UTRN: variants seen among roughly 807,000 people sequenced by gnomAD.
UTRN encodes dystrophin-related protein 1.
UTRN carries 283 observed loss-of-function variants against 463.9 expected under a neutral mutation model. The observed-to-expected ratio is 0.61, with a 90% CI of 0.55 to 0.67. The LOEUF is 0.67. Ranked by LOEUF, UTRN falls within the 30% of genes least tolerant of loss-of-function variation. The pLI, the probability that UTRN is intolerant of heterozygous loss-of-function variation, is 0.00. For missense variants in UTRN, 3,922 were observed against 4,084.3 expected, an observed-to-expected ratio of 0.96 and a Z score of 1.08; for synonymous variants, 1,442 against 1,431.5, an observed-to-expected ratio of 1.01 and a Z score of -0.17.
At chr6:144,386,113 G>A (rs1178042345) in intron 2 of UTRN, among the ~76,000 whole-genome samples, 1 of 152,162 alleles carries the variant, frequency 6.6e-6, no homozygotes, top group East Asian at 1.9e-4. Context: ...TCAGGCAATG[G>A]ATTTTATCTG....
intron 51 of UTRN, among the ~76,000 whole-genome samples, chr6:144,667,053 A>ACGT (rs1408080707): frequency 6.8e-6 from 1 of 147,072 alleles, no homozygotes; most frequent in African/African-American, 2.5e-5. Flanking sequence ...TCCTCCTTCT[A>ACGT]CTTCTTCTTC....
At chr6:144,500,960 A>G (rs1046468903) in intron 34 of UTRN, among the ~76,000 whole-genome samples, 2 of 152,162 alleles carry the variant, frequency 1.3e-5, no homozygotes, top group African/African-American at 2.4e-5. Context: ...TAAAGCCACA[A>G]GTATCAGTTT....
chr6:144,356,893 A>C (rs200970307), intron 2 of UTRN, among the ~76,000 whole-genome samples: 1 of 47,578 alleles, frequency 2.1e-5, no homozygotes, highest in Non-Finnish European at 4.7e-5. Context: ...ATGTGTGTGT[A>C]TATATACACA....
At chr6:144,317,999 C>A (rs1178710503) in intron 2 of UTRN, among the ~76,000 whole-genome samples, 2 of 152,080 alleles carry the variant, frequency 1.3e-5, no homozygotes, top group Non-Finnish European at 2.9e-5. Context: ...GTATGTTTCA[C>A]CATTTTTTGA....
intron 53 of UTRN, among the ~76,000 whole-genome samples, chr6:144,722,301 G>T (rs1345750885): frequency 6.6e-6 from 1 of 150,536 alleles, no homozygotes; most frequent in Non-Finnish European, 1.5e-5. Flanking sequence ...CTCATGCCTT[G>T]CTCCCTCACT....
At chr6:144,599,573 A>G (rs1409517919) in intron 51 of UTRN, among the ~76,000 whole-genome samples, 1 of 152,218 alleles carries the variant, frequency 6.6e-6, no homozygotes, top group Non-Finnish European at 1.5e-5. Context: ...ATATACAGCA[A>G]ATCACTTATA....
chr6:144,679,028 C>T (rs980110344), intron 52 of UTRN, among the ~76,000 whole-genome samples: 1 of 152,076 alleles, frequency 6.6e-6, no homozygotes, highest in Non-Finnish European at 1.5e-5. Context: ...AGTGCCAAGT[C>T]AGAGTTTGAA....
intron 3 of UTRN, among the ~76,000 whole-genome samples, chr6:144,420,872 C>T (rs1288936346): frequency 6.6e-6 from 1 of 152,190 alleles, no homozygotes; most frequent in Non-Finnish European, 1.5e-5. Flanking sequence ...GTTGTAGGCT[C>T]ATTTACATTT....
At chr6:144,839,473 A>G (rs896464440) in intron 72 of UTRN, among the ~76,000 whole-genome samples, 189 bp downstream of exon 72, 2 of 152,384 alleles carry the variant, frequency 1.3e-5, no homozygotes, top group African/African-American at 4.8e-5. Context: ...CAAATAAGCT[A>G]TAATACACTT....
At position 144,734,384 on chromosome 6, in the gene UTRN, G is replaced by C. The variant is rs146205081; in HGVS notation, c.7939+3898G>C. Among the ~76,000 whole-genome samples the C allele has an allele frequency of 4.2e-3, 633 of 152,286 alleles. 3 individuals are homozygous for C. The highest frequency in any genetic ancestry group is 0.015 in the African/African-American group (605 of 41,562). On this transcript the variant is annotated intron_variant, in intron 54 of 74. Transcript: ENST00000367545. The stretch of plus-strand genomic sequence containing the variant: ...GAGTAATTGGATTATTGATTTTTAA[G>C]ATGAAATGGAAATAAACCCCAACTT...
intron 51 of UTRN, among the ~76,000 whole-genome samples, chr6:144,595,843 A>G (rs1803587594): frequency 6.6e-6 from 1 of 152,206 alleles, no homozygotes; most frequent in Admixed American, 6.5e-5. Context: ...TGTGATTTTG[A>G]TAGGTAGTGA....
intron 1 of UTRN, among the ~76,000 whole-genome samples, chr6:144,289,862 C>G (rs569331361): frequency 4.3e-4 from 65 of 151,766 alleles, no homozygotes; most frequent in Middle Eastern, 3.4e-3. Flanking sequence ...CCATGTTGGC[C>G]AGGCTGGTCT....
intron 26 of UTRN, among the ~76,000 whole-genome samples, chr6:144,481,248 G>A (rs1791826436): frequency 6.6e-6 from 1 of 152,150 alleles, no homozygotes; most frequent in African/African-American, 2.4e-5. Context: ...AAAAGTAAAG[G>A]GGAAAGTGAA....
chr6:144,347,857 T>TTTTTTTTTTTTTTTG, intron 2 of UTRN, among the ~76,000 whole-genome samples: 1 of 149,948 alleles, frequency 6.7e-6, no homozygotes, highest in Admixed American at 6.6e-5. Context: ...TTTGTTTTTT[T>TTTTTTTTTTTTTTTG]TTTTGAGACT....
chr6:144,412,567 C>T (rs1783992154), intron 3 of UTRN, among the ~76,000 whole-genome samples: 1 of 151,536 alleles, frequency 6.6e-6, no homozygotes, highest in South Asian at 2.1e-4. Flanking sequence ...CAACTTCTTG[C>T]AAAAAACAGA....
At chr6:144,777,625 G>A (rs1244962096) in intron 60 of UTRN, among the ~76,000 whole-genome samples, 1 of 151,976 alleles carries the variant, frequency 6.6e-6, no homozygotes, top group Non-Finnish European at 1.5e-5. Context: ...GTTTTCCTTT[G>A]TATTTTGATT....
At chr6:144,783,106 G>T (rs1207137768) in intron 61 of UTRN, among the ~76,000 whole-genome samples, 1 of 151,716 alleles carries the variant, frequency 6.6e-6, no homozygotes, top group African/African-American at 2.4e-5. Context: ...TGAGGCAGGA[G>T]AATCTCTTGA....
chr6:144,499,139 G>A lies in UTRN; in HGVS notation c.4594-118G>A, dbSNP rs975413271. ...TCTAAGGTGCTAAGACAAAGGTTAT[G>A]TATGTCTTGGGGGTTATATATGAAT... On this transcript the variant is annotated intron_variant, in intron 33 of 74. Transcript: ENST00000367545. The A allele has an allele frequency of 9.0e-5, 97 of 1,073,492 alleles. No individual in the cohort carries two copies. In the African/African-American group the frequency reaches 1.2e-3, roughly 13 times the overall value. The allele number at this position is 1,073,492 out of a possible 1,614,324, so 66.5% of individuals were successfully genotyped here. A position where few individuals can be genotyped will look rare whatever the true frequency, so the allele number is the denominator to read the frequency against.
chr6:144,543,425 G>T (rs1419520937), intron 46 of UTRN, among the ~76,000 whole-genome samples: 1 of 152,100 alleles, frequency 6.6e-6, no homozygotes, highest in East Asian at 1.9e-4. Context: ...AGATTAGATC[G>T]CAGGCTCCTG....
Sources: gnomAD v4.1 joint callset for allele counts (sites outside exome capture counted in the v4.1 genomes callset) on GRCh38, gnomAD v4.1.1 for gene constraint, MANE v1.5 for transcripts, NCBI Gene and HGNC (gene_info 2026-07-23, HGNC 2026-07-21) for gene names.